Variants in PHACTR1 observed in about 807,000 individuals in gnomAD.
PHACTR1 encodes the protein RPEL repeat containing 1.
PHACTR1 carries 16 observed loss-of-function variants against 69.2 expected under a neutral mutation model. The observed-to-expected ratio is 0.23, with a 90% confidence interval of 0.16 to 0.35. PHACTR1 has a LOEUF of 0.35. PHACTR1 is among the 10% of genes least tolerant of loss of function. The pLI, the probability that PHACTR1 is intolerant of heterozygous loss-of-function variation, is 1.00. For synonymous variants in PHACTR1, 312 were observed against 284.5 expected (o/e 1.10, Z -0.97); for missense variants, 510 against 734.7 (o/e 0.69, Z 3.54).
intron 4 of PHACTR1, 141 bp downstream of exon 4, chr6:12,749,931 G>T: frequency 1.3e-6 from 1 of 779,022 alleles, no homozygotes; most frequent in Non-Finnish European, 2.0e-6. Flanking sequence ...TGTGTCTCCG[G>T]TGCGCAGAGG....
intron 12 of PHACTR1, chr6:13,281,471 T>C (rs1404728570): frequency 8.9e-6 from 3 of 336,022 alleles, no homozygotes; most frequent in Admixed American, 7.0e-5. Context: ...GGAGAGTTAC[T>C]TGCACCCAAG....
At chr6:13,194,100 G>T (rs1251104534) in intron 7 of PHACTR1, among the ~76,000 whole-genome samples, 7 of 152,112 alleles carry the variant, frequency 4.6e-5, no homozygotes, top group Non-Finnish European at 8.8e-5. Flanking sequence ...CTACCATTTT[G>T]ACTCTTTGAG....
At chr6:13,001,943 G>T (rs1366982728) in intron 4 of PHACTR1, among the ~76,000 whole-genome samples, 1 of 152,204 alleles carries the variant, frequency 6.6e-6, no homozygotes, top group African/African-American at 2.4e-5. Context: ...GATTCAAATT[G>T]ATTTGGATTT....
chr6:13,213,401 T>G (rs776536290), intron 8 of PHACTR1, among the ~76,000 whole-genome samples: 5 of 152,206 alleles, frequency 3.3e-5, no homozygotes, highest in Non-Finnish European at 5.9e-5. Flanking sequence ...TACCAGGTCC[T>G]CTGTGATCCC....
At chr6:13,197,595 G>A (rs1381705943) in intron 7 of PHACTR1, among the ~76,000 whole-genome samples, 2 of 151,900 alleles carry the variant, frequency 1.3e-5, no homozygotes, top group Admixed American at 6.6e-5. Flanking sequence ...TGTGCACAAT[G>A]TGCAGGTTTG....
intron 4 of PHACTR1, among the ~76,000 whole-genome samples, chr6:12,983,424 T>C (rs1164403411): frequency 6.6e-6 from 1 of 152,104 alleles, no homozygotes; most frequent in East Asian, 1.9e-4. Flanking sequence ...ACAAAAATAA[T>C]TACAAAAGTA....
At chr6:12,741,377 A>G (rs1255780390) in intron 3 of PHACTR1, among the ~76,000 whole-genome samples, 1 of 151,964 alleles carries the variant, frequency 6.6e-6, no homozygotes, top group East Asian at 1.9e-4. Flanking sequence ...ATATTTTGTT[A>G]TTAACCTTTA....
intron 4 of PHACTR1, among the ~76,000 whole-genome samples, chr6:12,975,126 G>A (rs77788771): frequency 0.02 from 3,100 of 152,294 alleles, 118 homozygotes; most frequent in African/African-American, 0.072. Flanking sequence ...GAGTGTGAGA[G>A]GTGTGGGGAA....
intron 5 of PHACTR1, among the ~76,000 whole-genome samples, chr6:13,104,013 G>C (rs567254379): frequency 2.1e-4 from 32 of 152,314 alleles, no homozygotes; most frequent in African/African-American, 7.7e-4. Context: ...GAACCCGGGA[G>C]GTGAAGGTTG....
chr6:13,270,949 T>C (rs1317275878), intron 10 of PHACTR1, among the ~76,000 whole-genome samples: 1 of 150,828 alleles, frequency 6.6e-6, no homozygotes, highest in African/African-American at 2.4e-5. Flanking sequence ...GCACATCACA[T>C]GGCAAAAGCA....
At chr6:12,862,872 G>A (rs1349164912) in intron 4 of PHACTR1, among the ~76,000 whole-genome samples, 1 of 152,176 alleles carries the variant, frequency 6.6e-6, no homozygotes, top group Non-Finnish European at 1.5e-5. Context: ...AAGTGGCCAG[G>A]AAGACCCCTC....
chr6:13,006,061 C>T (rs1029185364), intron 4 of PHACTR1, among the ~76,000 whole-genome samples: 1 of 152,170 alleles, frequency 6.6e-6, no homozygotes, highest in Admixed American at 6.5e-5. Flanking sequence ...CTGAGGGACT[C>T]ACCACAATGT....
At chr6:12,809,193 C>G (rs1310331099) in intron 4 of PHACTR1, among the ~76,000 whole-genome samples, 1 of 152,242 alleles carries the variant, frequency 6.6e-6, no homozygotes, top group South Asian at 2.1e-4. Context: ...CAGCCATCTA[C>G]TGTCTTACTT....
intron 3 of PHACTR1, among the ~76,000 whole-genome samples, chr6:12,743,189 G>GAA (rs56962574): frequency 1.2e-3 from 163 of 136,716 alleles, no homozygotes; most frequent in South Asian, 1.6e-3. Flanking sequence ...TAAATTGCAG[G>GAA]AAAAAAAAAA....
At chr6:13,131,060 G>T (rs1412126016) in intron 5 of PHACTR1, among the ~76,000 whole-genome samples, 1 of 151,872 alleles carries the variant, frequency 6.6e-6, no homozygotes, top group African/African-American at 2.4e-5. Context: ...CAAAAATCAT[G>T]TGATCATCTC....
intron 4 of PHACTR1, among the ~76,000 whole-genome samples, chr6:12,863,427 C>T (rs1386030404): frequency 1.3e-5 from 2 of 152,200 alleles, no homozygotes; most frequent in Non-Finnish European, 2.9e-5. Context: ...CTGATTAATT[C>T]CCAAAGGCCC....
rs201230008 is a variant in PHACTR1, at chr6:13,231,852, A to T, written c.1391+1659A>T. On this transcript the variant is annotated intron_variant, in intron 10 of 14. Transcript: ENST00000332995. The stretch of plus-strand genomic sequence containing the variant: ...GTCTTTGAGCCTGTCTATAAGATAC[A>T]CCATTTGTATACCCATTTTACAGAT... Among the ~76,000 whole-genome samples the T allele has an allele frequency of 2.6e-5, 4 of 152,324 alleles. No individual in the cohort carries two copies. The East Asian group carries it at 7.7e-4, about 29-fold the overall frequency.
Position 13,206,011 on chromosome 6 carries a change from G to A in PHACTR1, c.861G>A (p.Leu287=). Residue 287 remains leucine (L), a synonymous_variant, in exon 8 of 15, where the codon CTG becomes CTA. Transcript: ENST00000332995. ...TVLPSQIQHQ[L]QYGSHGQHLP... ...TGCCCTCCCAGATCCAGCACCAGCTGCAGTACGGCAGCCACGGCCAGCACC... is the reference window on the plus strand; with the variant it reads ...TGCCCTCCCAGATCCAGCACCAGCTACAGTACGGCAGCCACGGCCAGCACC... 3 of 1,613,850 alleles carry A rather than the reference G, an allele frequency of 1.9e-6. No homozygotes were observed. The highest frequency in any genetic ancestry group is 2.5e-6 in the Non-Finnish European group (3 of 1,179,880).
intron 4 of PHACTR1, among the ~76,000 whole-genome samples, chr6:12,870,956 A>T: frequency 6.6e-6 from 1 of 152,204 alleles, no homozygotes; most frequent in Non-Finnish European, 1.5e-5. Flanking sequence ...AAATAAAATG[A>T]CTGTCTTGAG....
Sources: gnomAD v4.1 joint callset for allele counts (sites outside exome capture counted in the v4.1 genomes callset) on GRCh38, gnomAD v4.1.1 for gene constraint, MANE v1.5 for transcripts, NCBI Gene and HGNC (gene_info 2026-07-23, HGNC 2026-07-21) for gene names.